PADI3: variants seen among roughly 807,000 people sequenced by gnomAD.
PADI3 encodes the protein protein-arginine deiminase type-3.
PADI3 carries 53 observed loss-of-function variants against 71.5 expected under a neutral mutation model. That is an observed-to-expected ratio of 0.74 (90% confidence interval 0.59 to 0.93). PADI3 has a LOEUF of 0.93. Among genes scored for constraint, PADI3 ranks in the 40% least tolerant of loss-of-function variants. The pLI is 0.00. For missense variants in PADI3, 821 were observed against 868.0 expected, an observed-to-expected ratio of 0.95 and a Z score of 0.68; for synonymous variants, 361 against 347.5, an observed-to-expected ratio of 1.04 and a Z score of -0.43.
chr1:17,255,584 A>G lies in PADI3; in HGVS notation c.93-3994A>G, dbSNP rs149288266. On this transcript the variant is annotated intron_variant, in intron 1 of 15. Transcript: ENST00000375460. ...CCTGTTCTCTAGGAAATGGGAAGCT[A>G]GATCCTCCCGTACCTGATGCAGGTT... Among the ~76,000 whole-genome samples, 538 of 152,312 alleles carry G rather than the reference A, an allele frequency of 3.5e-3. 3 individuals carry two copies. Among genetic ancestry groups the G allele is most frequent in the Admixed American group, 7.5e-3 (114 of 15,298 alleles).
intron 1 of PADI3, among the ~76,000 whole-genome samples, chr1:17,252,400 C>CTTTT (rs55649122): frequency 3.4e-5 from 4 of 118,996 alleles, no homozygotes; most frequent in Non-Finnish European, 3.5e-5. Flanking sequence ...TTTTCTTCTT[C>CTTTT]TTTTTTTTTT....
chr1:17,261,195 G>C (rs1474392159), intron 2 of PADI3, among the ~76,000 whole-genome samples: 2 of 152,146 alleles, frequency 1.3e-5, no homozygotes, highest in African/African-American at 4.8e-5. Flanking sequence ...ATACCCCAAG[G>C]GGAGGGTCAT....
chr1:17,266,814 C>A lies in PADI3; in HGVS notation c.504C>A (p.Asp168Glu), dbSNP rs202060511. 1.6e-4 allele frequency: 263 copies of A among 1,613,864 alleles called. 2 individuals carry two copies. The South Asian group carries it at 2.8e-3, about 17-fold the overall frequency. Residue 168 changes from aspartate to glutamate, a missense_variant, in exon 5 of 16, where the codon GAC becomes GAA. Coordinates refer to ENST00000375460, the MANE Select transcript of PADI3 (RefSeq NM_016233.2). ...DPSCDVQDNC[D>E]QHVHCLQDLE... Reference sequence around the variant, plus strand: ...GCTGTGATGTCCAGGACAATTGTGACCAGCACGTGCACTGCCTGCAAGGTG... The same window carrying A: ...GCTGTGATGTCCAGGACAATTGTGAACAGCACGTGCACTGCCTGCAAGGTG...
chr1:17,258,126 T>C (rs986426955), intron 1 of PADI3, among the ~76,000 whole-genome samples: 1 of 152,202 alleles, frequency 6.6e-6, no homozygotes, highest in Non-Finnish European at 1.5e-5. Context: ...TCTAGGGTTA[T>C]TGAGAGGATT....
Position 17,266,805 on chromosome 1 carries a change from C to G in PADI3, c.495C>G (p.Asp165Glu). ...ATGATCCGAGCTGTGATGTCCAGGA[C>G]AATTGTGACCAGCACGTGCACTGCC... ...DRDDPSCDVQ[D>E]NCDQHVHCLQ... is the part of the protein sequence containing the mutation. Residue 165 changes from aspartate (D) to glutamate (E), a missense_variant, in exon 5 of 16, where the codon GAC becomes GAG. Asp to Glu is a conservative substitution (Grantham distance 45). Transcript: ENST00000375460. 6.2e-7 allele frequency: 1 copy of G among 1,614,080 alleles called. No homozygotes were observed. The highest frequency in any genetic ancestry group is 8.5e-7 in the Non-Finnish European group (1 of 1,179,968).
intron 15 of PADI3, among the ~76,000 whole-genome samples, 163 bp downstream of exon 15, chr1:17,280,959 T>C (rs2073393312): frequency 1.3e-5 from 2 of 152,218 alleles, no homozygotes; most frequent in South Asian, 4.1e-4. Flanking sequence ...GGCTTCTAGC[T>C]GGCTGACCAC....
intron 13 of PADI3, among the ~76,000 whole-genome samples, chr1:17,278,629 C>T (rs1048824486): frequency 1.3e-5 from 2 of 152,056 alleles, no homozygotes; most frequent in African/African-American, 2.4e-5. Flanking sequence ...TTGCTGGAAG[C>T]GTTCTCAAAT....
At chr1:17,279,116 G>A (rs1029508286) in intron 13 of PADI3, among the ~76,000 whole-genome samples, 3 of 152,172 alleles carry the variant, frequency 2.0e-5, no homozygotes, top group African/African-American at 4.8e-5. Flanking sequence ...GTTGAGCAGA[G>A]TTATTCCAAC....
chr1:17,259,793 C>G, intron 2 of PADI3, 35 bp downstream of exon 2: 3 of 1,554,926 alleles, frequency 1.9e-6, no homozygotes, highest in Non-Finnish European at 2.6e-6. Flanking sequence ...GGAGAGGTTT[C>G]GAGGGAGGCA....
At chr1:17,263,619 A>T (rs2073128880) in intron 3 of PADI3, among the ~76,000 whole-genome samples, 1 of 152,228 alleles carries the variant, frequency 6.6e-6, no homozygotes, top group South Asian at 2.1e-4. Context: ...AAGTGCAAAG[A>T]CCATAAGGGG....
At chr1:17,263,869 T>C (rs1401775502) in intron 3 of PADI3, among the ~76,000 whole-genome samples, 1 of 152,168 alleles carries the variant, frequency 6.6e-6, no homozygotes, top group Admixed American at 6.5e-5. Flanking sequence ...AATTAAAAGA[T>C]GCCTAAATGA....
intron 3 of PADI3, among the ~76,000 whole-genome samples, chr1:17,264,280 A>G (rs1187368704): frequency 6.6e-6 from 1 of 152,178 alleles, no homozygotes; most frequent in Admixed American, 6.5e-5. Context: ...TAACATAGAC[A>G]GAAAAGTACA....
intron 13 of PADI3, among the ~76,000 whole-genome samples, chr1:17,279,632 C>G (rs1471254020): frequency 6.6e-6 from 1 of 152,226 alleles, no homozygotes; most frequent in Non-Finnish European, 1.5e-5. Context: ...TCTGACCTCT[C>G]TGAGCCTCAG....
At chr1:17,264,158 G>A (rs994178298) in intron 3 of PADI3, among the ~76,000 whole-genome samples, 1 of 151,946 alleles carries the variant, frequency 6.6e-6, no homozygotes, top group Admixed American at 6.6e-5. Flanking sequence ...TTCCCTTTTT[G>A]CCAATCAGTT....
chr1:17,267,427 C>T (rs867136870), intron 5 of PADI3, among the ~76,000 whole-genome samples: 2 of 152,248 alleles, frequency 1.3e-5, no homozygotes, highest in Middle Eastern at 3.4e-3. Flanking sequence ...GAGATGCCCA[C>T]GGTTGCCTTC....
rs757618673 is a variant in PADI3, at chr1:17,262,171, C to T, written c.312C>T (p.Pro104=). 3 of 1,613,378 alleles carry T rather than the reference C, an allele frequency of 1.9e-6. No homozygotes were observed. The East Asian group carries it at 6.7e-5, about 36-fold the overall frequency. Residue 104 remains proline (P), a synonymous_variant, in exon 3 of 16, where the codon CCC becomes CCT. Coordinates refer to ENST00000375460, the MANE Select transcript of PADI3 (RefSeq NM_016233.2). ...ACCACTCCAGCCATGAGCCTCTGCCCCTGGCCTATGCGGTGCTCTACCTCA... is the reference window on the plus strand; with the variant it reads ...ACCACTCCAGCCATGAGCCTCTGCCTCTGGCCTATGCGGTGCTCTACCTCA... ...ISYHSSHEPL[P]LAYAVLYLTC... is the part of the protein sequence containing the mutation.
At position 17,264,621 on chromosome 1, in the gene PADI3, G is replaced by A. The variant is rs1281560609; in HGVS notation, c.347-1038G>A. 2.0e-5 allele frequency among the ~76,000 whole-genome samples: 3 copies of A among 152,290 alleles called. No homozygotes were observed. The South Asian group carries it at 6.2e-4, about 32-fold the overall frequency. On this transcript the variant is annotated intron_variant, in intron 3 of 15. Coordinates refer to ENST00000375460, the MANE Select transcript of PADI3 (RefSeq NM_016233.2). ...TTTTCTGTGGATGCAGTCATATCAT[G>A]TATGTTCTTTTGCGTTGGGCGTCTT...
At chr1:17,270,824 C>CCT in intron 7 of PADI3, 55 bp from the exon 8 acceptor site, 1 of 1,281,986 alleles carries the variant, frequency 7.8e-7, no homozygotes, top group Non-Finnish European at 1.1e-6. Flanking sequence ...CAGAGTCCCC[C>CCT]CAGGCCTCTG....
intron 6 of PADI3, among the ~76,000 whole-genome samples, chr1:17,269,600 G>T (rs1171534388): frequency 2.0e-5 from 3 of 151,868 alleles, no homozygotes; most frequent in Non-Finnish European, 4.4e-5. Flanking sequence ...TTTGTTTGTT[G>T]TTGTTGTTTT....
Sources: gnomAD v4.1 joint callset for allele counts (sites outside exome capture counted in the v4.1 genomes callset) on GRCh38, gnomAD v4.1.1 for gene constraint, MANE v1.5 for transcripts, NCBI Gene and HGNC (gene_info 2026-07-23, HGNC 2026-07-21) for gene names.